The following TMEM219 variants were observed in gnomAD, a reference collection of about 807,000 sequenced individuals.
The protein encoded by TMEM219 is transmembrane protein 219, also known as insulin-like growth factor-binding protein 3 receptor.
In TMEM219, 18 loss-of-function variants were observed where a neutral mutation model predicts 17.9. The ratio of observed to expected loss-of-function variants is 1.01; its 90% CI spans 0.70 to 1.49. The LOEUF is 1.49. Among genes scored for constraint, TMEM219 ranks in the 40% most tolerant of loss-of-function variants. The pLI is 0.00. For missense variants in TMEM219, 288 were observed against 292.4 expected (o/e 0.99, Z 0.11); for synonymous variants, 113 against 124.0 (o/e 0.91, Z 0.59).
At position 29,968,144 on chromosome 16, in the gene TMEM219, TC is replaced by T; in HGVS notation, c.477del (p.Cys160AlafsTer11). On this transcript the variant is annotated frameshift_variant, in exon 4 of 6. Transcript: ENST00000279396. LOFTEE classifies it high-confidence loss of function. ...GILPSSQPPI[S>X]CSEEGAGNAT... is the part of the protein sequence containing the mutation. ...CCTACCCTCCAGCCAGCCACCCATATCCTGCTCAGAGGAGGGGGCTGGAAAT... is the reference window on the plus strand; with the variant it reads ...CCTACCCTCCAGCCAGCCACCCATATCTGCTCAGAGGAGGGGGCTGGAAAT... The T allele has an allele frequency of 6.2e-7, 1 of 1,614,086 alleles. No individual in the cohort carries two copies. Among genetic ancestry groups the T allele is most frequent in the South Asian group, 1.1e-5 (1 of 91,088 alleles).
chr16:29,970,339 T>C (rs1232278346), intron 4 of TMEM219, among the ~76,000 whole-genome samples: 2 of 151,140 alleles, frequency 1.3e-5, no homozygotes, highest in Admixed American at 6.6e-5. Context: ...TTTTTTTTTT[T>C]TTTGAGATGG....
chr16:29,967,141 G>C (rs2069222406), intron 3 of TMEM219, among the ~76,000 whole-genome samples: 1 of 152,136 alleles, frequency 6.6e-6, no homozygotes, highest in African/African-American at 2.4e-5. Context: ...AGCCTTGCGA[G>C]TATTAGTATG....
intron 1 of TMEM219, chr16:29,962,565 A>C (rs1273621150): frequency 1.3e-5 from 2 of 152,922 alleles, no homozygotes; most frequent in Non-Finnish European, 2.9e-5. Flanking sequence ...CTGTACGAGA[A>C]AGAGAAAGGA....
intron 3 of TMEM219, among the ~76,000 whole-genome samples, chr16:29,964,953 C>T (rs990335071): frequency 2.0e-5 from 3 of 152,324 alleles, no homozygotes; most frequent in South Asian, 2.1e-4. Flanking sequence ...AATGTTTTCT[C>T]ATCCTTTAGC....
chr16:29,963,169 A>T lies in TMEM219; in HGVS notation c.26A>T (p.Asn9Ile), dbSNP rs1324285788. Residue 9 changes from asparagine to isoleucine, a missense_variant, in exon 2 of 6, where the codon AAC (asparagine) becomes ATC (isoleucine). Asn to Ile is a moderately radical substitution (Grantham distance 149, BLOSUM62 -3). Coordinates refer to ENST00000279396, the MANE Select transcript of TMEM219 (RefSeq NM_001083613.2). ...ATGGGCAACTGCCAGGCAGGGCACAACCTGCACCTGTGTCTGGCCCACCAC... is the reference window on the plus strand; with the variant it reads ...ATGGGCAACTGCCAGGCAGGGCACATCCTGCACCTGTGTCTGGCCCACCAC... MGNCQAGHNLHLCLAHHPP... is the reference protein window; with the variant it reads MGNCQAGHILHLCLAHHPP... 1 of 1,613,098 alleles carries T rather than the reference A, an allele frequency of 6.2e-7. No individual in the cohort carries two copies. Among genetic ancestry groups the T allele is most frequent in the Non-Finnish European group, 8.5e-7 (1 of 1,180,018 alleles).
rs1017731149 is a variant in TMEM219 at position 29,963,177 on chromosome 16, C to T, written c.34C>T (p.Leu12=). 1.1e-5 allele frequency: 17 copies of T among 1,613,296 alleles called. No homozygotes were observed. In the South Asian group the frequency reaches 1.1e-4, roughly 10 times the overall value. ...GNCQAGHNLH[L]CLAHHPPLVC... is the part of the protein sequence containing the mutation. ...CTGCCAGGCAGGGCACAACCTGCAC[C>T]TGTGTCTGGCCCACCACCCACCTCT... The change falls in exon 2 of 6, where the codon CTG becomes TTG. Residue 12 remains leucine (L), a synonymous_variant. Coordinates refer to ENST00000279396, the MANE Select transcript of TMEM219 (RefSeq NM_001083613.2).
At chr16:29,963,906 G>C (rs955387127) in intron 3 of TMEM219, among the ~76,000 whole-genome samples, 1 of 127,144 alleles carries the variant, frequency 7.9e-6, no homozygotes, top group Non-Finnish European at 1.7e-5. Flanking sequence ...AAAAAAATCA[G>C]GTGCGGTGGC....
chr16:29,963,332 G>C, intron 2 of TMEM219, 24 bp downstream of exon 2: 1 of 1,613,790 alleles, frequency 6.2e-7, no homozygotes, highest in Non-Finnish European at 8.5e-7. Flanking sequence ...CCCCGTACCC[G>C]CTCTTCCTTC....
chr16:29,970,254 G>T (rs183519762), intron 4 of TMEM219, among the ~76,000 whole-genome samples: 6 of 147,732 alleles, frequency 4.1e-5, no homozygotes, highest in African/African-American at 1.2e-4. Context: ...AAAAAGAAAA[G>T]ACCCCATGAG....
chr16:29,963,637 C>T (rs1383817670), intron 3 of TMEM219, 48 bp downstream of exon 3: 1 of 1,542,822 alleles, frequency 6.5e-7, no homozygotes, highest in Admixed American at 1.8e-5. Context: ...AATCCCAACA[C>T]TTTGGGAGGC....
intron 3 of TMEM219, among the ~76,000 whole-genome samples, chr16:29,966,056 G>A (rs893468117): frequency 2.0e-5 from 3 of 152,062 alleles, no homozygotes; most frequent in African/African-American, 7.2e-5. Flanking sequence ...TTTTTATAGA[G>A]ATGTGGTCTC....
chr16:29,965,805 T>C lies in TMEM219; in HGVS notation c.355+2216T>C, dbSNP rs111747400. ...CAGACTGGAGGGCAGTGATGCGATC[T>C]CAGCTCACTGAACCTCTGCCTCCCA... On this transcript the variant is annotated intron_variant, in intron 3 of 5. Coordinates refer to ENST00000279396, the MANE Select transcript of TMEM219 (RefSeq NM_001083613.2). Among the ~76,000 whole-genome samples the C allele has an allele frequency of 4.8e-3, 729 of 152,262 alleles. 5 individuals carry two copies. Among genetic ancestry groups the C allele is most frequent in the African/African-American group, 0.017 (711 of 41,550 alleles).
chr16:29,969,304 C>T (rs1276581377), intron 4 of TMEM219, among the ~76,000 whole-genome samples: 5 of 144,104 alleles, frequency 3.5e-5, no homozygotes, highest in African/African-American at 5.1e-5. Context: ...TCATGCCATT[C>T]TCCTGCCTCA....
At chr16:29,969,192 CTTT>C (rs1197231032) in intron 4 of TMEM219, among the ~76,000 whole-genome samples, 4 of 122,990 alleles carry the variant, frequency 3.3e-5, no homozygotes, top group African/African-American at 9.0e-5. Flanking sequence ...TTCTTTTTCG[CTTT>C]TTTTTTTTTT....
intron 4 of TMEM219, 82 bp from the exon 5 acceptor site, chr16:29,971,326 C>G: frequency 6.6e-7 from 1 of 1,516,606 alleles, no homozygotes; most frequent in Non-Finnish European, 9.0e-7. Context: ...GTGGAGAGCC[C>G]TCTCCCTCAT....
At chr16:29,967,693 C>T (rs1490896479) in intron 3 of TMEM219, among the ~76,000 whole-genome samples, 1 of 152,104 alleles carries the variant, frequency 6.6e-6, no homozygotes, top group Non-Finnish European at 1.5e-5. Context: ...TTTGGGAGGC[C>T]AAGGCGGGCG....
chr16:29,964,807 CA>C (rs1488979643), intron 3 of TMEM219, among the ~76,000 whole-genome samples: 2 of 152,166 alleles, frequency 1.3e-5, no homozygotes, highest in Admixed American at 1.3e-4. Context: ...GGACTTTAGT[CA>C]CTTCTGTGAT....
In TMEM219 at chr16:29,968,244, T is replaced by A. The variant is rs190481775; in HGVS notation, c.575T>A (p.Leu192Gln). ...WSHEGLVLTK[L>Q]LTSEELALCG... ...CATGAAGGCCTTGTGCTGACCAAGC[T>A]GCTCACCTCGGTAAGAGCCTCAGAT... Residue 192 changes from leucine (L) to glutamine (Q), a missense_variant, in exon 4 of 6, where the codon CTG becomes CAG. Physicochemically the swap from Leu to Gln is moderately radical, Grantham distance 113 (BLOSUM62 -2). Transcript: ENST00000279396. 1 of 1,612,586 alleles carries A rather than the reference T, an allele frequency of 6.2e-7. No individual in the cohort carries two copies. The highest frequency in any genetic ancestry group is 1.3e-5 in the African/African-American group (1 of 74,914).
chr16:29,963,589 G>A lies in TMEM219; in HGVS notation c.355G>A (p.Gly119Arg). 1.2e-5 allele frequency: 19 copies of A among 1,613,034 alleles called. No individual in the cohort carries two copies. The highest frequency in any genetic ancestry group is 1.5e-5 in the Non-Finnish European group (18 of 1,179,446). Residue 119 changes from glycine to arginine, a missense_variant and splice_region_variant, in exon 3 of 6, where the codon GGA becomes AGA. Coordinates refer to ENST00000279396, the MANE Select transcript of TMEM219 (RefSeq NM_001083613.2). The part of the protein sequence containing the change: ...TVLGSQMGLK[G>R]SSAGQLVLIT... The stretch of plus-strand genomic sequence containing the variant: ...CCTGGGAAGTCAGATGGGATTGAAA[G>A]GTGAGATCAGAGGCTGGGTGTGGTG...
Sources: gnomAD v4.1 joint callset for allele counts (sites outside exome capture counted in the v4.1 genomes callset) on GRCh38, gnomAD v4.1.1 for gene constraint, MANE v1.5 for transcripts, NCBI Gene and HGNC (gene_info 2026-07-23, HGNC 2026-07-21) for gene names.